DLC1: variants seen among roughly 807,000 people sequenced by gnomAD.
The protein encoded by DLC1 is DLC1 Rho GTPase activating protein, also known as rho GTPase-activating protein 7.
Under a neutral mutation model 140.3 loss-of-function variants are expected in DLC1, and 54 were observed. The ratio of observed to expected loss-of-function variants is 0.38; its 90% confidence interval spans 0.31 to 0.48. DLC1 has a LOEUF of 0.48. DLC1 is among the 20% of genes least tolerant of loss of function. DLC1 has a pLI of 0.96. For missense variants in DLC1, 2,536 were observed against 1,907.0 expected (o/e 1.33, Z -6.14); for synonymous variants, 986 against 728.1 (o/e 1.35, Z -5.70).
intron 5 of DLC1, among the ~76,000 whole-genome samples, chr8:13,225,228 C>G (rs1158962235): frequency 6.6e-6 from 1 of 152,152 alleles, no homozygotes; most frequent in Non-Finnish European, 1.5e-5. Context: ...TGACAGAGAA[C>G]AAGTTTCCGT....
At chr8:13,092,536 A>T (rs1329924834) in intron 13 of DLC1, 76 bp downstream of exon 13, 1 of 1,510,726 alleles carries the variant, frequency 6.6e-7, no homozygotes, top group Non-Finnish European at 9.0e-7. Flanking sequence ...GAGTCCCACA[A>T]AACCACAGCT....
intron 5 of DLC1, among the ~76,000 whole-genome samples, chr8:13,221,859 A>G (rs1257089968): frequency 6.9e-6 from 1 of 144,478 alleles, no homozygotes; most frequent in Non-Finnish European, 1.5e-5. Context: ...ATATTAATAT[A>G]TTAATAAAAT....
rs1201746846 is a variant in DLC1 at position 13,553,203 on chromosome 8, C to CATATATATAT, written c.-126+51324_-126+51333dup. 8.8e-4 allele frequency among the ~76,000 whole-genome samples: 60 copies of CATATATATAT among 68,014 alleles called. 6 individuals carry two copies. The highest frequency in any genetic ancestry group is 1.8e-3 in the East Asian group (2 of 1,126). The allele number at this position is 68,014 out of a possible 152,430, so 44.6% of individuals were successfully genotyped here. A position where few individuals can be genotyped will look rare whatever the true frequency, so the allele number is the denominator to read the frequency against. On this transcript the variant is annotated intron_variant, in intron 1 of 1. Coordinates refer to the DLC1 transcript ENST00000631382. ...ATATTGACAAATACCTGCCAGCTGTCATATATATATATATATATATATATG... is the reference window on the plus strand; with the variant it reads ...ATATTGACAAATACCTGCCAGCTGTCATATATATATATATATATATATATATATATATATG...
Position 13,092,840 on chromosome 8 carries a change from C to A in DLC1, c.3527-15G>T. ...CTTGGGCACATCTGCACGACACCAG[C>A]ACTTTCTCCATCAGCTTGGTGAATT... On this transcript the variant is annotated splice_polypyrimidine_tract_variant and intron_variant, in intron 12 of 17. Coordinates refer to ENST00000276297, the MANE Select transcript of DLC1 (RefSeq NM_182643.3). 6.2e-7 allele frequency: 1 copy of A among 1,606,298 alleles called. No homozygotes were observed. Among genetic ancestry groups the A allele is most frequent in the Non-Finnish European group, 8.5e-7 (1 of 1,175,026 alleles).
intron 2 of DLC1, among the ~76,000 whole-genome samples, chr8:13,470,668 T>C (rs1308166582): frequency 6.6e-6 from 1 of 152,114 alleles, no homozygotes; most frequent in Non-Finnish European, 1.5e-5. Flanking sequence ...CAAATTAGTA[T>C]AGCCATATGG....
At chr8:13,451,504 C>T (rs896990474) in intron 2 of DLC1, among the ~76,000 whole-genome samples, 1 of 152,116 alleles carries the variant, frequency 6.6e-6, no homozygotes, top group South Asian at 2.1e-4. Context: ...TCCCCACAGT[C>T]CCCCACCCTG....
rs923360860 is a variant in DLC1, at chr8:13,214,398, T to A, written c.1348+90871A>T. 64 of 413,148 alleles carry A rather than the reference T, an allele frequency of 1.5e-4. No individual in the cohort carries two copies. The Middle Eastern group carries it at 3.8e-3, about 24-fold the overall frequency. 25.6% of individuals were successfully genotyped at this position (413,148 alleles called of 1,614,324 possible). On this transcript the variant is annotated intron_variant, in intron 5 of 17. Transcript: ENST00000276297. ...CCTGTTGACAGGCTTTGGAGCCCAC[T>A]CTCCTATTTGCTTGGTCTGAAGGAC...
At chr8:13,237,636 C>A (rs888267246) in intron 5 of DLC1, among the ~76,000 whole-genome samples, 9 of 152,026 alleles carry the variant, frequency 5.9e-5, no homozygotes, top group African/African-American at 2.2e-4. Context: ...CCTGAGTCCC[C>A]AAACTCCACT....
At chr8:13,585,948 A>C (rs1805291254) in intron 1 of DLC1, among the ~76,000 whole-genome samples, 1 of 152,216 alleles carries the variant, frequency 6.6e-6, no homozygotes, top group Non-Finnish European at 1.5e-5. Flanking sequence ...AGGGAGGATA[A>C]AGCAGAGAAA....
intron 5 of DLC1, among the ~76,000 whole-genome samples, chr8:13,144,850 G>T (rs777427829): frequency 6.6e-6 from 1 of 152,126 alleles, no homozygotes; most frequent in Admixed American, 6.5e-5. Context: ...GGAGAACCTT[G>T]ACTAATACAG....
intron 2 of DLC1, among the ~76,000 whole-genome samples, chr8:13,458,186 T>A (rs2117010968): frequency 6.6e-6 from 1 of 152,314 alleles, no homozygotes; most frequent in African/African-American, 2.4e-5. Flanking sequence ...ACAAATTATC[T>A]GAGATAAAAA....
At chr8:13,580,205 C>G (rs368694340) in intron 1 of DLC1, among the ~76,000 whole-genome samples, 163 of 152,050 alleles carry the variant, frequency 1.1e-3, no homozygotes, top group African/African-American at 3.7e-3. Context: ...TCACTGCAGC[C>G]TCTGCCTCCC....
At chr8:13,202,663 A>AT (rs996741561) in intron 5 of DLC1, among the ~76,000 whole-genome samples, 8 of 150,860 alleles carry the variant, frequency 5.3e-5, no homozygotes, top group African/African-American at 7.3e-5. Context: ...CCCACCTTTA[A>AT]TTTTTTTTTA....
At chr8:13,158,912 C>G (rs1307248138) in intron 5 of DLC1, among the ~76,000 whole-genome samples, 2 of 152,066 alleles carry the variant, frequency 1.3e-5, no homozygotes, top group Admixed American at 1.3e-4. Flanking sequence ...ACACTGGAGT[C>G]TGGGTTGCAG....
At position 13,296,944 on chromosome 8, in the gene DLC1, T is replaced by A. The variant is rs796068975; in HGVS notation, c.1348+8325A>T. On this transcript the variant is annotated intron_variant, in intron 5 of 17. Coordinates refer to ENST00000276297, the MANE Select transcript of DLC1 (RefSeq NM_182643.3). ...AAATATAATTGAGAGGAAAAGAAAC[T>A]ATGTTCTATTGGTTCTGGTAATACA... 1.5e-4 allele frequency among the ~76,000 whole-genome samples: 23 copies of A among 152,122 alleles called. 1 individual carries two copies. The highest frequency in any genetic ancestry group is 5.5e-4 in the African/African-American group (23 of 41,502).
chr8:13,494,838 C>G (rs1410878748), intron 2 of DLC1, among the ~76,000 whole-genome samples: 2 of 152,056 alleles, frequency 1.3e-5, no homozygotes, highest in Non-Finnish European at 2.9e-5. Flanking sequence ...GTAATCTCAG[C>G]TACTAAGGAG....
chr8:13,111,147 A>G (rs1401475900), intron 6 of DLC1, among the ~76,000 whole-genome samples: 2 of 152,178 alleles, frequency 1.3e-5, no homozygotes, highest in Non-Finnish European at 2.9e-5. Context: ...TTAAGCCACA[A>G]AGACTGTCAG....
chr8:13,578,203 C>T (rs1183439003), intron 1 of DLC1, among the ~76,000 whole-genome samples: 1 of 152,068 alleles, frequency 6.6e-6, no homozygotes, highest in African/African-American at 2.4e-5. Context: ...ACATGGCCAC[C>T]CAGGAATCAA....
intron 5 of DLC1, among the ~76,000 whole-genome samples, chr8:13,235,332 G>C (rs1443815410): frequency 6.6e-6 from 1 of 152,170 alleles, no homozygotes; most frequent in African/African-American, 2.4e-5. Flanking sequence ...ACTAAAAGCT[G>C]TGTTTAAAGC....
Sources: gnomAD v4.1 joint callset for allele counts (sites outside exome capture counted in the v4.1 genomes callset) on GRCh38, gnomAD v4.1.1 for gene constraint, MANE v1.5 for transcripts, NCBI Gene and HGNC (gene_info 2026-07-23, HGNC 2026-07-21) for gene names.